TAFA1: variants seen among roughly 807,000 people sequenced by gnomAD.
The protein encoded by TAFA1 is TAFA chemokine like family member 1, also known as chemokine-like protein TAFA-1.
A neutral mutation model predicts 18.5 loss-of-function variants in TAFA1; 4 were observed. The observed-to-expected ratio is 0.22, with a 90% CI of 0.11 to 0.49. TAFA1 has a LOEUF of 0.49. Among genes scored for constraint, TAFA1 ranks in the 20% least tolerant of loss-of-function variants. TAFA1 has a pLI of 0.98. For synonymous variants in TAFA1, 56 were observed against 55.2 expected, an observed-to-expected ratio of 1.01 and a Z score of -0.06; for missense variants, 147 against 169.0, an observed-to-expected ratio of 0.87 and a Z score of 0.72.
intron 2 of TAFA1, among the ~76,000 whole-genome samples, chr3:68,119,906 GTATACTCCA>G (rs2065368353): frequency 6.6e-6 from 1 of 152,070 alleles, no homozygotes; most frequent in Non-Finnish European, 1.5e-5. Context: ...TAAATTTTAG[GTATACTCCA>G]TACTCAAGTT....
chr3:68,002,660 T>G (rs993813728), upstream of TAFA1, among the ~76,000 whole-genome samples: 4 of 152,224 alleles, frequency 2.6e-5, no homozygotes, highest in Admixed American at 2.0e-4. Flanking sequence ...TAAGAAAATA[T>G]AATAGTTATT....
intron 2 of TAFA1, among the ~76,000 whole-genome samples, chr3:68,216,829 G>A (rs972335901): frequency 1.3e-5 from 2 of 152,088 alleles, no homozygotes; most frequent in African/African-American, 2.4e-5. Flanking sequence ...CAGCACTGGA[G>A]CAATGAGCAA....
intron 3 of TAFA1, among the ~76,000 whole-genome samples, chr3:68,466,621 C>A (rs900208052): frequency 6.6e-6 from 1 of 152,242 alleles, no homozygotes; most frequent in East Asian, 1.9e-4. Context: ...ACACTCCCAT[C>A]CTAATGTTGA....
intron 3 of TAFA1, among the ~76,000 whole-genome samples, chr3:68,527,998 A>G (rs1341857000): frequency 2.0e-5 from 3 of 152,140 alleles, no homozygotes; most frequent in African/African-American, 4.8e-5. Flanking sequence ...AACTTCATGT[A>G]TGTCTTTGAA....
upstream of TAFA1, among the ~76,000 whole-genome samples, chr3:68,003,716 T>G (rs898060052): frequency 6.6e-6 from 1 of 152,180 alleles, no homozygotes; most frequent in African/African-American, 2.4e-5. Flanking sequence ...GAAAAATTTT[T>G]TAAAAAAGAG....
chr3:68,349,668 T>C (rs1183796501), intron 2 of TAFA1, among the ~76,000 whole-genome samples: 1 of 152,110 alleles, frequency 6.6e-6, no homozygotes, highest in African/African-American at 2.4e-5. Context: ...AACACTTAAC[T>C]CTGCCATCGT....
Position 68,112,903 on chromosome 3 carries a change from G to T in TAFA1, c.118+106159G>T, listed in dbSNP as rs2065277817. On this transcript the variant is annotated intron_variant, in intron 2 of 4. Transcript: ENST00000478136. ...ATAAAATGACAAAACATTATTTAAA[G>T]AAATGAAAAAGACCTACACATAAAT... Among the ~76,000 whole-genome samples the T allele has an allele frequency of 2.0e-5, 3 of 152,106 alleles. No homozygotes were observed. In the South Asian group the frequency reaches 6.2e-4, roughly 32 times the overall value.
intron 3 of TAFA1, among the ~76,000 whole-genome samples, chr3:68,427,249 C>G (rs1317102316): frequency 6.6e-6 from 1 of 151,918 alleles, no homozygotes; most frequent in Non-Finnish European, 1.5e-5. Context: ...TATGATAGCA[C>G]TTTTCATCCT....
the TAFA1 span, among the ~76,000 whole-genome samples, chr3:67,995,080 T>C: frequency 6.6e-6 from 1 of 152,242 alleles, no homozygotes; most frequent in Admixed American, 6.5e-5. Flanking sequence ...GGAGGTTTTA[T>C]ATGGTAGCTA....
chr3:68,415,505 A>G (rs1270267997), intron 2 of TAFA1, among the ~76,000 whole-genome samples: 1 of 152,116 alleles, frequency 6.6e-6, no homozygotes, highest in African/African-American at 2.4e-5. Flanking sequence ...GGTTGGAGGG[A>G]TGGGAGGTAG....
chr3:68,379,458 T>C (rs1339040032), intron 2 of TAFA1, among the ~76,000 whole-genome samples: 1 of 152,178 alleles, frequency 6.6e-6, no homozygotes, highest in Non-Finnish European at 1.5e-5. Context: ...GTTTATTCTG[T>C]TGATACTATC....
At chr3:68,403,871 T>G (rs1222295572) in intron 2 of TAFA1, among the ~76,000 whole-genome samples, 1 of 152,194 alleles carries the variant, frequency 6.6e-6, no homozygotes, top group Non-Finnish European at 1.5e-5. Context: ...TCAAGTCTGT[T>G]AATACCCAGT....
At chr3:68,539,688 T>TGGGGGGGGG (rs1184533157) in intron 4 of TAFA1, among the ~76,000 whole-genome samples, 3 of 12,452 alleles carry the variant, frequency 2.4e-4, no homozygotes, top group Admixed American at 1.3e-3. Context: ...TGGGGGGGCA[T>TGGGGGGGGG]GGGGTGGGTG....
intron 2 of TAFA1, among the ~76,000 whole-genome samples, chr3:68,414,557 T>C (rs2070775837): frequency 6.6e-6 from 1 of 152,150 alleles, no homozygotes; most frequent in Non-Finnish European, 1.5e-5. Context: ...GCTTCTCATG[T>C]GTAAAGTGGG....
chr3:68,375,691 A>G (rs540665852), intron 2 of TAFA1, among the ~76,000 whole-genome samples: 19 of 152,336 alleles, frequency 1.2e-4, no homozygotes, highest in Non-Finnish European at 2.2e-4. Context: ...TTTAACAGTA[A>G]TAACTAATAC....
intron 2 of TAFA1, among the ~76,000 whole-genome samples, chr3:68,343,595 A>T (rs2069119829): frequency 6.6e-6 from 1 of 152,178 alleles, no homozygotes; most frequent in African/African-American, 2.4e-5. Flanking sequence ...AGGATATTTT[A>T]AAATTTCTGG....
intron 2 of TAFA1, among the ~76,000 whole-genome samples, chr3:68,394,928 C>G (rs568023076): frequency 6.6e-6 from 1 of 152,120 alleles, no homozygotes; most frequent in Non-Finnish European, 1.5e-5. Context: ...GCAATTGCAA[C>G]AAAAGCCACA....
intron 2 of TAFA1, among the ~76,000 whole-genome samples, chr3:68,064,053 A>C (rs992467332): frequency 2.0e-5 from 3 of 152,228 alleles, no homozygotes; most frequent in Non-Finnish European, 2.9e-5. Flanking sequence ...AGAATAAAAA[A>C]CAAAACTTAA....
At chr3:68,330,934 G>A (rs909240266) in intron 2 of TAFA1, among the ~76,000 whole-genome samples, 2 of 151,692 alleles carry the variant, frequency 1.3e-5, no homozygotes, top group African/African-American at 2.4e-5. Flanking sequence ...TTTAAAAATA[G>A]TTCCATACCT....
Sources: allele counts gnomAD v4.1 joint callset (sites outside exome capture counted in the v4.1 genomes callset), GRCh38; gene constraint gnomAD v4.1.1; transcripts MANE v1.5; gene names NCBI Gene and HGNC (gene_info 2026-07-23, HGNC 2026-07-21).